ANKFN1: variants seen among roughly 807,000 people sequenced by gnomAD.
The protein encoded by ANKFN1 is ankyrin repeat and fibronectin type III domain containing 1.
ANKFN1 carries 74 observed loss-of-function variants against 108.7 expected under a neutral mutation model. The observed-to-expected ratio is 0.68, with a 90% CI of 0.56 to 0.83. The LOEUF is 0.83. Ranked by LOEUF, ANKFN1 falls within the 40% of genes least tolerant of loss-of-function variation. The pLI, the probability that ANKFN1 is intolerant of heterozygous loss-of-function variation, is 0.00. For missense variants in ANKFN1, 1,505 were observed against 1,382.3 expected (o/e 1.09, Z -1.41); for synonymous variants, 547 against 516.2 (o/e 1.06, Z -0.81).
chr17:56,271,536 A>G (rs1459723953), intron 3 of ANKFN1, among the ~76,000 whole-genome samples: 4 of 152,228 alleles, frequency 2.6e-5, no homozygotes, highest in African/African-American at 9.6e-5. Context: ...TTAGAGCAGC[A>G]GAAGCAAGCA....
At chr17:56,191,951 C>A (rs899158022) in intron 1 of ANKFN1, among the ~76,000 whole-genome samples, 2 of 152,032 alleles carry the variant, frequency 1.3e-5, no homozygotes, top group Admixed American at 6.5e-5. Flanking sequence ...CTTCTCGCTT[C>A]ATTTCATTCA....
At chr17:56,143,775 G>A (rs1039297621) in intron 4 of ANKFN1, among the ~76,000 whole-genome samples, 2 of 152,132 alleles carry the variant, frequency 1.3e-5, no homozygotes, top group African/African-American at 2.4e-5. Context: ...AAGGCCAAGT[G>A]AAGCCGAACA....
rs747359881 is a variant in ANKFN1, at chr17:56,482,362, A to T, written c.2098A>T (p.Asn700Tyr). 2.5e-6 allele frequency: 4 copies of T among 1,600,090 alleles called. No individual in the cohort carries two copies. The South Asian group carries it at 4.6e-5, about 18-fold the overall frequency. The change falls in exon 18 of 21, where the codon AAC becomes TAC. Residue 700 changes from asparagine to tyrosine, a missense_variant. Asn to Tyr is a moderately radical substitution (Grantham distance 143). Transcript: ENST00000682825. ...QINIPLHQAR[N>Y]FRLYTQEVLE... ...CGCGCGTGTCCCTCTGCAGGCAAGG[A>T]ACTTCCGCCTCTACACACAGGAGGT...
At chr17:56,239,661 T>C (rs548506033) in intron 3 of ANKFN1, among the ~76,000 whole-genome samples, 1 of 152,140 alleles carries the variant, frequency 6.6e-6, no homozygotes, top group Non-Finnish European at 1.5e-5. Context: ...TGTCCCAAAA[T>C]GGCAGCTACA....
chr17:56,402,097 G>A (rs548793658), intron 8 of ANKFN1, among the ~76,000 whole-genome samples: 46 of 152,196 alleles, frequency 3.0e-4, no homozygotes, highest in African/African-American at 1.1e-3. Flanking sequence ...CAGTTAGCTA[G>A]TATTTTGTTA....
chr17:56,456,168 TTGTA>T (rs1184667425), intron 11 of ANKFN1, among the ~76,000 whole-genome samples: 1 of 152,146 alleles, frequency 6.6e-6, no homozygotes. Flanking sequence ...ACATTGAGAA[TTGTA>T]TGAATGTTAG....
intron 8 of ANKFN1, among the ~76,000 whole-genome samples, chr17:56,412,250 A>T (rs986457731): frequency 1.3e-5 from 2 of 152,140 alleles, no homozygotes; most frequent in Non-Finnish European, 1.5e-5. Flanking sequence ...CTTCTAGATT[A>T]TCTAATTTCT....
chr17:56,408,585 A>C (rs1346708258), intron 8 of ANKFN1, among the ~76,000 whole-genome samples: 1 of 152,222 alleles, frequency 6.6e-6, no homozygotes, highest in East Asian at 1.9e-4. Flanking sequence ...CATATATTGC[A>C]GAAAAAGAGA....
In ANKFN1 at chr17:56,512,467, G is replaced by T. The variant is rs1377697217; in HGVS notation, c.*1198G>T. Among the ~76,000 whole-genome samples the T allele has an allele frequency of 6.6e-6, 1 of 152,222 alleles. No homozygotes were observed. Among genetic ancestry groups the T allele is most frequent in the Admixed American group, 6.5e-5 (1 of 15,288 alleles). On this transcript the variant is annotated 3_prime_UTR_variant, in exon 21 of 21. Coordinates refer to ENST00000682825, the MANE Select transcript of ANKFN1 (RefSeq NM_001370326.1). The stretch of plus-strand genomic sequence containing the variant: ...AGCCTTTACAAGTGGTTAATTCCAA[G>T]GATGTGCTAAAAACATCTGGAAATC...
chr17:56,081,940 A>T (rs1326719580), intron 4 of ANKFN1, among the ~76,000 whole-genome samples: 1 of 152,158 alleles, frequency 6.6e-6, no homozygotes, highest in East Asian at 1.9e-4. Flanking sequence ...AACTCCTGAG[A>T]TCTTATCAGG....
At chr17:56,085,997 A>G (rs1359166005) in intron 4 of ANKFN1, among the ~76,000 whole-genome samples, 5 of 151,404 alleles carry the variant, frequency 3.3e-5, no homozygotes, top group Admixed American at 6.6e-5. Context: ...GAAAACATAT[A>G]TAATTTAATA....
At chr17:56,067,248 C>T (rs748559178) in intron 4 of ANKFN1, among the ~76,000 whole-genome samples, 32 of 152,142 alleles carry the variant, frequency 2.1e-4, no homozygotes, top group Non-Finnish European at 4.3e-4. Context: ...ATATATACCA[C>T]ATTTTGTTTA....
intron 4 of ANKFN1, among the ~76,000 whole-genome samples, chr17:56,062,573 T>TTTTTTTTTTTTTTTC (rs1555589520): frequency 1.4e-5 from 2 of 145,226 alleles, no homozygotes; most frequent in African/African-American, 5.7e-5. Context: ...TTTTTTTTTT[T>TTTTTTTTTTTTTTTC]CTTTCCATTT....
chr17:56,303,574 A>G (rs2044732142), intron 3 of ANKFN1, among the ~76,000 whole-genome samples: 3 of 152,198 alleles, frequency 2.0e-5, no homozygotes, highest in Admixed American at 1.3e-4. Context: ...GAAGCAGGCT[A>G]TTTTCACAGT....
intron 3 of ANKFN1, among the ~76,000 whole-genome samples, chr17:56,309,717 C>T (rs1045757734): frequency 1.3e-5 from 2 of 152,286 alleles, no homozygotes; most frequent in Admixed American, 6.5e-5. Flanking sequence ...CTTATACATA[C>T]ATACCTATGA....
intron 4 of ANKFN1, among the ~76,000 whole-genome samples, chr17:56,065,599 A>G (rs911877461): frequency 6.6e-6 from 1 of 152,154 alleles, no homozygotes; most frequent in East Asian, 1.9e-4. Context: ...TGGGGTTACT[A>G]ATTGGCCTAA....
chr17:56,292,088 G>A (rs1170239446), intron 3 of ANKFN1, among the ~76,000 whole-genome samples: 1 of 152,196 alleles, frequency 6.6e-6, no homozygotes, highest in African/African-American at 2.4e-5. Flanking sequence ...GGAGATTGGT[G>A]AGAATGTCTG....
chr17:56,325,875 G>GC (rs2045501718), intron 3 of ANKFN1, among the ~76,000 whole-genome samples: 1 of 152,186 alleles, frequency 6.6e-6, no homozygotes, highest in African/African-American at 2.4e-5. Context: ...GTGACCCACT[G>GC]CCCCTCTGCT....
intron 1 of ANKFN1, among the ~76,000 whole-genome samples, chr17:56,190,508 T>C (rs1245928766): frequency 6.9e-6 from 1 of 144,486 alleles, no homozygotes; most frequent in Non-Finnish European, 1.5e-5. Context: ...TCAGTTTCCA[T>C]GTAGTCGAGC....
Sources: allele counts gnomAD v4.1 joint callset (sites outside exome capture counted in the v4.1 genomes callset), GRCh38; gene constraint gnomAD v4.1.1; transcripts MANE v1.5; gene names NCBI Gene and HGNC (gene_info 2026-07-23, HGNC 2026-07-21).